The following SLC26A4 variants were observed in gnomAD, a reference collection of about 807,000 sequenced individuals.
SLC26A4 encodes the protein pendrin.
SLC26A4 carries 93 observed loss-of-function variants against 90.4 expected under a neutral mutation model. The observed-to-expected ratio is 1.03, with a 90% CI of 0.87 to 1.22. The LOEUF (loss-of-function observed/expected upper bound fraction) is 1.22. SLC26A4 is among the 50% of genes most tolerant of loss of function. The pLI is 0.00. For synonymous variants in SLC26A4, 393 were observed against 354.6 expected (o/e 1.11, Z -1.22); for missense variants, 1,127 against 946.2 (o/e 1.19, Z -2.51).
intron 10 of SLC26A4, 33 bp from the exon 11 acceptor site, chr7:107,694,370 G>A (rs368367169): frequency 2.3e-5 from 36 of 1,560,348 alleles, no homozygotes; most frequent in South Asian, 7.8e-5. Flanking sequence ...GGAGAAGGAC[G>A]AATCCTTTTC....
chr7:107,697,428 C>G (rs1791770612), intron 13 of SLC26A4, among the ~76,000 whole-genome samples: 1 of 152,192 alleles, frequency 6.6e-6, no homozygotes, highest in Admixed American at 6.5e-5. Context: ...AACAGATACT[C>G]TTTCTTCAGG....
intron 6 of SLC26A4, among the ~76,000 whole-genome samples, chr7:107,675,558 A>ATTT (rs1562824752): frequency 6.9e-6 from 1 of 145,046 alleles, no homozygotes; most frequent in East Asian, 2.0e-4. Context: ...GAGCACCCAC[A>ATTT]TTTCTTTCTT....
intron 8 of SLC26A4, among the ~76,000 whole-genome samples, chr7:107,684,958 G>A (rs1791355708): frequency 6.6e-6 from 1 of 151,978 alleles, no homozygotes; most frequent in East Asian, 1.9e-4. Flanking sequence ...CATTTCTTCT[G>A]CCCTAAATTA....
intron 6 of SLC26A4, 22 bp downstream of exon 6, chr7:107,675,131 A>G: frequency 1.2e-6 from 2 of 1,610,316 alleles, no homozygotes; most frequent in Non-Finnish European, 1.7e-6. Context: ...TTCTTGCTCC[A>G]GGGATGGGTC....
chr7:107,663,248 T>C (rs1356064994), intron 2 of SLC26A4, 48 bp from the exon 3 acceptor site: 5 of 1,610,600 alleles, frequency 3.1e-6, no homozygotes, highest in Non-Finnish European at 4.2e-6. Context: ...TGCAAATTGG[T>C]TGTGACTGAG....
intron 20 of SLC26A4, among the ~76,000 whole-genome samples, chr7:107,714,079 C>A (rs947193001): frequency 1.5e-5 from 1 of 68,468 alleles, no homozygotes; most frequent in Non-Finnish European, 2.6e-5. Context: ...CCACCACGTC[C>A]AGATAATTTT....
intron 10 of SLC26A4, among the ~76,000 whole-genome samples, chr7:107,691,510 T>TACAC (rs780039045): frequency 1.4e-3 from 70 of 51,178 alleles, no homozygotes; most frequent in East Asian, 5.4e-3. Context: ...GTCAAATATA[T>TACAC]ATATACACAC....
intron 6 of SLC26A4, among the ~76,000 whole-genome samples, chr7:107,678,845 A>C (rs1791096812): frequency 6.6e-6 from 1 of 152,204 alleles, no homozygotes; most frequent in African/African-American, 2.4e-5. Flanking sequence ...GCAATTATAC[A>C]TGAAAGAATC....
Position 107,671,719 on chromosome 7 carries a change from T to C in SLC26A4, c.305-419T>C, listed in dbSNP as rs1001443637. On this transcript the variant is annotated intron_variant, in intron 3 of 20. Coordinates refer to ENST00000644269, the MANE Select transcript of SLC26A4 (RefSeq NM_000441.2). ...TGTGTAAAGGCCCTTCTTTCTGCAG[T>C]AGAAAGACAGATGCTCCTCTACTTC... Among the ~76,000 whole-genome samples the C allele has an allele frequency of 2.0e-5, 3 of 152,314 alleles. No homozygotes were observed. In the East Asian group the frequency reaches 5.8e-4, roughly 29 times the overall value.
chr7:107,664,511 C>A (rs1333933966), intron 3 of SLC26A4, among the ~76,000 whole-genome samples: 2 of 152,178 alleles, frequency 1.3e-5, no homozygotes, highest in South Asian at 2.1e-4. Flanking sequence ...TGATTACAGG[C>A]ATGAGCCACC....
At chr7:107,684,549 C>T (rs1355107189) in intron 8 of SLC26A4, among the ~76,000 whole-genome samples, 2 of 152,176 alleles carry the variant, frequency 1.3e-5, no homozygotes, top group East Asian at 3.8e-4. Context: ...TGAAAAAGCA[C>T]AGCTGGCTAC....
chr7:107,702,621 G>A (rs1431474026), intron 17 of SLC26A4, among the ~76,000 whole-genome samples: 4 of 151,402 alleles, frequency 2.6e-5, no homozygotes, highest in Non-Finnish European at 5.9e-5. Context: ...CCCGGGAGGT[G>A]GAGGTTGCAG....
chr7:107,673,191 C>T (rs909652012), intron 4 of SLC26A4, among the ~76,000 whole-genome samples: 7 of 151,948 alleles, frequency 4.6e-5, no homozygotes, highest in African/African-American at 1.7e-4. Flanking sequence ...GGTTTTGAGA[C>T]CTCAAAACCA....
In SLC26A4 at chr7:107,689,671, C is replaced by T. The variant is rs139851552; in HGVS notation, c.1150-453C>T. Among the ~76,000 whole-genome samples the T allele has an allele frequency of 5.3e-3, 812 of 152,298 alleles. 4 individuals are homozygous for T. The highest frequency in any genetic ancestry group is 0.018 in the African/African-American group (760 of 41,554). Reference sequence around the variant, plus strand: ...CATTGCCAGGTAAGCTGATTTCACACTGCTTGCAAATTTGCAAGTTCTGTA... The same window carrying T: ...CATTGCCAGGTAAGCTGATTTCACATTGCTTGCAAATTTGCAAGTTCTGTA... On this transcript the variant is annotated intron_variant, in intron 9 of 20. Transcript: ENST00000644269.
intron 9 of SLC26A4, 30 bp downstream of exon 9, chr7:107,689,230 T>C: frequency 6.2e-7 from 1 of 1,611,414 alleles, no homozygotes; most frequent in Admixed American, 1.7e-5. Flanking sequence ...GAACTGGTTT[T>C]ATAGGGCTGG....
intron 9 of SLC26A4, 66 bp downstream of exon 9, chr7:107,689,266 A>G (rs1189709962): frequency 6.4e-6 from 10 of 1,560,740 alleles, no homozygotes; most frequent in Non-Finnish European, 7.9e-6. Context: ...ATAAATGGAA[A>G]AGATTTTGGT....
Position 107,674,284 on chromosome 7 carries a change from C to A in SLC26A4, c.536C>A (p.Ala179Glu). 1 of 1,613,668 alleles carries A rather than the reference C, an allele frequency of 6.2e-7. No homozygotes were observed. The highest frequency in any genetic ancestry group is 8.5e-7 in the Non-Finnish European group (1 of 1,179,608). ...TVLNTTMIDT[A>E]ARDTARVLIA... The stretch of plus-strand genomic sequence containing the variant: ...TTAAATACTACTATGATAGACACTG[C>A]AGCTAGAGATACAGCTAGAGTCCTG... Residue 179 changes from alanine (A) to glutamate (E), a missense_variant, in exon 5 of 21, where the codon GCA becomes GAA. Physicochemically the swap from Ala to Glu is moderately radical, Grantham distance 107 (BLOSUM62 -1). Coordinates refer to ENST00000644269, the MANE Select transcript of SLC26A4 (RefSeq NM_000441.2).
At position 107,683,437 on chromosome 7, in the gene SLC26A4, T is replaced by G. The variant is rs767147359; in HGVS notation, c.919-18T>G. 159 of 1,612,832 alleles carry G rather than the reference T, an allele frequency of 9.9e-5. 1 individual carries two copies. The East Asian group carries it at 3.5e-3, about 35-fold the overall frequency. ...ATTAAAACCAATGGAGTTTTTAACA[T>G]CTTTTGTTTTATTTCAGACGATAAT... On this transcript the variant is annotated intron_variant, in intron 7 of 20. Transcript: ENST00000644269.
chr7:107,668,170 T>A (rs1790767769), intron 3 of SLC26A4, among the ~76,000 whole-genome samples: 1 of 151,822 alleles, frequency 6.6e-6, no homozygotes. Context: ...ATGGATAAGG[T>A]AGATGTTTGA....
Sources: gnomAD v4.1 joint callset for allele counts (sites outside exome capture counted in the v4.1 genomes callset) on GRCh38, gnomAD v4.1.1 for gene constraint, MANE v1.5 for transcripts, NCBI Gene and HGNC (gene_info 2026-07-23, HGNC 2026-07-21) for gene names.